The following DNAJC1 variants were observed in gnomAD, a reference collection of about 807,000 sequenced individuals.
The protein encoded by DNAJC1 is dnaJ homolog subfamily C member 1.
DNAJC1 carries 58 observed loss-of-function variants against 76.6 expected under a neutral mutation model. The observed-to-expected ratio is 0.76, with a 90% CI of 0.61 to 0.94. The LOEUF (loss-of-function observed/expected upper bound fraction) is 0.94, where lower values mean the gene tolerates loss of function less well. DNAJC1 is among the 40% of genes least tolerant of loss of function. The pLI is 0.00. For synonymous variants in DNAJC1, 258 were observed against 267.9 expected (o/e 0.96, Z 0.36); for missense variants, 689 against 677.3 (o/e 1.02, Z -0.19).
intron 9 of DNAJC1, among the ~76,000 whole-genome samples, chr10:21,805,475 C>CACAG (rs1234029342): frequency 2.0e-5 from 3 of 151,302 alleles, no homozygotes; most frequent in African/African-American, 4.9e-5. Context: ...CACACACACA[C>CACAG]AGTTTCTTCT....
At chr10:21,971,723 C>T (rs1283255469) in intron 1 of DNAJC1, among the ~76,000 whole-genome samples, 1 of 151,868 alleles carries the variant, frequency 6.6e-6, no homozygotes, top group African/African-American at 2.4e-5. Flanking sequence ...TCTGCTAAAA[C>T]TGTCATTAAA....
At chr10:21,872,902 A>T (rs1241488935) in intron 8 of DNAJC1, among the ~76,000 whole-genome samples, 1 of 152,198 alleles carries the variant, frequency 6.6e-6, no homozygotes, top group African/African-American at 2.4e-5. Context: ...AAGAAAGAAG[A>T]AGTAAAAACT....
intron 9 of DNAJC1, among the ~76,000 whole-genome samples, chr10:21,795,330 C>T (rs1003351743): frequency 1.3e-4 from 20 of 152,322 alleles, no homozygotes; most frequent in African/African-American, 4.8e-4. Context: ...ACTGCTGATA[C>T]ATGCTACAAC....
rs1444253061 is a variant in DNAJC1, at chr10:22,003,373, G to A, written c.62C>T (p.Pro21Leu). 1 of 1,388,324 alleles carries A rather than the reference G, an allele frequency of 7.2e-7. No individual in the cohort carries two copies. Among genetic ancestry groups the A allele is most frequent in the Non-Finnish European group, 9.3e-7 (1 of 1,074,814 alleles). 86.0% of individuals were successfully genotyped at this position (1,388,324 alleles called of 1,614,324 possible). Residue 21 changes from proline to leucine, a missense_variant, in exon 1 of 12, where the codon CCG (proline) becomes CTG (leucine). By Grantham distance (98) the Pro-to-Leu change is moderately conservative. Transcript: ENST00000376980. Reference protein sequence around the residue: ...LPGRRQLGLVPFPPPPPRTPL... With the variant: ...LPGRRQLGLVLFPPPPPRTPL... ...CGTCCGCGGCGGCGGCGGCGGGAACGGCACCAGCCCGAGCTGGCGGCGTCC... is the reference window on the plus strand; with the variant it reads ...CGTCCGCGGCGGCGGCGGCGGGAACAGCACCAGCCCGAGCTGGCGGCGTCC...
At chr10:21,822,059 T>C (rs1420921080) in intron 8 of DNAJC1, among the ~76,000 whole-genome samples, 1 of 152,200 alleles carries the variant, frequency 6.6e-6, no homozygotes, top group Non-Finnish European at 1.5e-5. Context: ...ATATGTATAC[T>C]GGAATCTAAT....
chr10:21,933,057 G>C (rs1053269123), intron 1 of DNAJC1: 16 of 152,144 alleles, frequency 1.1e-4, no homozygotes, highest in African/African-American at 3.9e-4. Context: ...TATTACAAAA[G>C]AGTCAAAAAG....
intron 1 of DNAJC1, among the ~76,000 whole-genome samples, chr10:21,990,230 G>A (rs1838305920): frequency 6.6e-6 from 1 of 152,076 alleles, no homozygotes; most frequent in South Asian, 2.1e-4. Context: ...TAAACCCTGG[G>A]AATTGTATAT....
At chr10:21,989,667 T>C (rs887514369) in intron 1 of DNAJC1, among the ~76,000 whole-genome samples, 13 of 152,164 alleles carry the variant, frequency 8.5e-5, no homozygotes, top group Non-Finnish European at 1.8e-4. Context: ...CAAAACATTA[T>C]GTATCTGAGA....
chr10:21,761,937 C>G (rs1275760734), intron 10 of DNAJC1, among the ~76,000 whole-genome samples: 3 of 152,118 alleles, frequency 2.0e-5, no homozygotes, highest in Admixed American at 6.5e-5. Flanking sequence ...GAGATGGAGT[C>G]TCACTCTTTC....
At chr10:21,924,841 T>C (rs1198166489) in intron 3 of DNAJC1, among the ~76,000 whole-genome samples, 1 of 152,218 alleles carries the variant, frequency 6.6e-6, no homozygotes, top group Admixed American at 6.5e-5. Flanking sequence ...AGCCTACTGC[T>C]TCCAGGCTAC....
chr10:21,834,517 C>T (rs113095729), intron 8 of DNAJC1, among the ~76,000 whole-genome samples: 1 of 152,176 alleles, frequency 6.6e-6, no homozygotes, highest in African/African-American at 2.4e-5. Context: ...CGAAGCAGGG[C>T]GAGGCATCGC....
chr10:21,778,543 AT>A (rs1230189208), intron 9 of DNAJC1, among the ~76,000 whole-genome samples: 1 of 152,170 alleles, frequency 6.6e-6, no homozygotes, highest in African/African-American at 2.4e-5. Flanking sequence ...CAATTGGGCT[AT>A]TTACTTGCAT....
At chr10:21,903,731 C>T (rs951832997) in intron 7 of DNAJC1, among the ~76,000 whole-genome samples, 9 of 152,130 alleles carry the variant, frequency 5.9e-5, no homozygotes, top group Non-Finnish European at 8.8e-5. Context: ...AATGACCACA[C>T]CCAAATCCCT....
In DNAJC1 at chr10:21,759,538, T is replaced by C. The variant is rs149300535; in HGVS notation, c.1228A>G (p.Met410Val). 289 of 1,614,046 alleles carry C rather than the reference T, an allele frequency of 1.8e-4. No individual in the cohort carries two copies. Among genetic ancestry groups the C allele is most frequent in the Non-Finnish European group, 2.4e-4 (281 of 1,180,040 alleles). The change falls in exon 11 of 12, where the codon ATG becomes GTG. Residue 410 changes from methionine to valine, a missense_variant. Transcript: ENST00000376980. ...TCTGCGTCCTCTCGCTGGGTGATCA[T>C]GTCATCGGGCAAGGTGGTGGCCGTT... Reference protein sequence around the residue: ...IKTATTLPDDMITQREDAEGV... With the variant: ...IKTATTLPDDVITQREDAEGV...
chr10:21,985,482 C>G (rs1422175999), intron 1 of DNAJC1, among the ~76,000 whole-genome samples: 1 of 152,194 alleles, frequency 6.6e-6, no homozygotes, highest in Non-Finnish European at 1.5e-5. Context: ...CTCCTGACAT[C>G]AAGTGATCCA....
intron 9 of DNAJC1, among the ~76,000 whole-genome samples, chr10:21,801,779 T>G (rs1211280274): frequency 6.6e-6 from 1 of 152,138 alleles, no homozygotes; most frequent in African/African-American, 2.4e-5. Context: ...AATGTGATTA[T>G]ATATACACCA....
chr10:21,845,904 C>T (rs966646229), intron 8 of DNAJC1, among the ~76,000 whole-genome samples: 1 of 152,018 alleles, frequency 6.6e-6, no homozygotes, highest in African/African-American at 2.4e-5. Context: ...TAAATTTTAC[C>T]TATTTGAATT....
At chr10:21,810,716 C>T (rs1464706604) in intron 8 of DNAJC1, among the ~76,000 whole-genome samples, 1 of 152,068 alleles carries the variant, frequency 6.6e-6, no homozygotes, top group African/African-American at 2.4e-5. Context: ...GGTGATTATC[C>T]CCACTGCCTG....
At chr10:21,768,839 C>T (rs1296452557) in intron 9 of DNAJC1, among the ~76,000 whole-genome samples, 2 of 152,170 alleles carry the variant, frequency 1.3e-5, no homozygotes, top group African/African-American at 2.4e-5. Flanking sequence ...ATTCCTTCCC[C>T]TTGAGGCTAA....
Sources: allele counts gnomAD v4.1 joint callset (sites outside exome capture counted in the v4.1 genomes callset), GRCh38; gene constraint gnomAD v4.1.1; transcripts MANE v1.5; gene names NCBI Gene and HGNC (gene_info 2026-07-23, HGNC 2026-07-21).